The following GRIP1 variants were observed in gnomAD, a reference collection of about 807,000 sequenced individuals.
GRIP1 encodes the protein glutamate receptor interacting protein 1, also known as glutamate receptor-interacting protein 1.
GRIP1 carries 45 observed loss-of-function variants against 129.9 expected under a neutral mutation model. The ratio of observed to expected loss-of-function variants is 0.35; its 90% CI spans 0.27 to 0.44. GRIP1 has a LOEUF of 0.44. Ranked by LOEUF, GRIP1 falls within the 20% of genes least tolerant of loss-of-function variation. The probability of loss-of-function intolerance (pLI) is 1.00; values close to 1 mark genes in which losing one functional copy is unlikely to be tolerated. For synonymous variants in GRIP1, 530 were observed against 520.8 expected (o/e 1.02, Z -0.24); for missense variants, 1,196 against 1,396.8 (o/e 0.86, Z 2.29).
At chr12:66,746,365 G>A (rs936381264) in intron 1 of GRIP1, among the ~76,000 whole-genome samples, 2 of 152,100 alleles carry the variant, frequency 1.3e-5, no homozygotes, top group African/African-American at 4.8e-5. Context: ...CAGCAGCATT[G>A]GCATCTCCTG....
chr12:66,799,670 C>T (rs2038803077), intron 1 of GRIP1, among the ~76,000 whole-genome samples: 1 of 152,120 alleles, frequency 6.6e-6, no homozygotes, highest in Admixed American at 6.6e-5. Flanking sequence ...ACAAATCAGG[C>T]ATCTTTCCAA....
intron 1 of GRIP1, among the ~76,000 whole-genome samples, chr12:66,802,657 G>A (rs1029261184): frequency 6.6e-6 from 1 of 152,072 alleles, no homozygotes; most frequent in African/African-American, 2.4e-5. Context: ...GAGATGGTAT[G>A]AATCTGACTC....
intron 1 of GRIP1, among the ~76,000 whole-genome samples, chr12:66,968,293 C>T (rs2042025110): frequency 6.6e-6 from 1 of 152,104 alleles, no homozygotes; most frequent in South Asian, 2.1e-4. Context: ...TGTTAACATA[C>T]TGTATAATTC....
At chr12:67,006,637 G>T (rs2042631283) in intron 1 of GRIP1, among the ~76,000 whole-genome samples, 2 of 152,178 alleles carry the variant, frequency 1.3e-5, no homozygotes, top group Non-Finnish European at 2.9e-5. Flanking sequence ...GCCTTCATCT[G>T]AGGGTAATTT....
chr12:66,438,609 C>T (rs1469042966), intron 13 of GRIP1, among the ~76,000 whole-genome samples: 1 of 151,822 alleles, frequency 6.6e-6, no homozygotes, highest in Non-Finnish European at 1.5e-5. Context: ...GATTCTCCTG[C>T]CTCAGCCTCC....
chr12:67,052,934 C>A (rs556162938), intron 1 of GRIP1, among the ~76,000 whole-genome samples: 2 of 152,248 alleles, frequency 1.3e-5, no homozygotes, highest in South Asian at 2.1e-4. Flanking sequence ...GACTTAGAAT[C>A]CAATTCAGAT....
chr12:66,904,877 T>C (rs989201551), intron 1 of GRIP1, among the ~76,000 whole-genome samples: 7 of 148,470 alleles, frequency 4.7e-5, no homozygotes, highest in Non-Finnish European at 4.5e-5. Context: ...GGTGACAGAA[T>C]GAGACTCCGT....
At chr12:66,426,737 G>GT (rs1204457823) in intron 14 of GRIP1, among the ~76,000 whole-genome samples, 2 of 152,156 alleles carry the variant, frequency 1.3e-5, no homozygotes, top group Non-Finnish European at 2.9e-5. Flanking sequence ...GGTCTTAAGT[G>GT]TAAGTTGAGG....
At chr12:66,613,334 C>T (rs1050781807) in intron 1 of GRIP1, among the ~76,000 whole-genome samples, 12 of 152,148 alleles carry the variant, frequency 7.9e-5, no homozygotes, top group Non-Finnish European at 1.5e-4. Context: ...CCACTAACTG[C>T]ACAAATCTGG....
intron 1 of GRIP1, among the ~76,000 whole-genome samples, chr12:66,884,162 G>A (rs971575358): frequency 2.6e-5 from 4 of 152,214 alleles, no homozygotes; most frequent in African/African-American, 9.6e-5. Context: ...ATGGGGAAAT[G>A]CAGAGCAAAA....
At chr12:66,679,867 TGTGA>T (rs2034517042), upstream of GRIP1, among the ~76,000 whole-genome samples, 1 of 152,372 alleles carries the variant, frequency 6.6e-6, no homozygotes, top group South Asian at 2.1e-4. Context: ...AGCAGATATT[TGTGA>T]GTATCTGCTC....
At chr12:66,746,404 G>C (rs929363336) in intron 1 of GRIP1, among the ~76,000 whole-genome samples, 1 of 152,164 alleles carries the variant, frequency 6.6e-6, no homozygotes, top group African/African-American at 2.4e-5. Context: ...AGAATCTTAG[G>C]TGGCACTTCA....
At chr12:66,696,673 C>T (rs550934498) in intron 1 of GRIP1, among the ~76,000 whole-genome samples, 5 of 151,754 alleles carry the variant, frequency 3.3e-5, no homozygotes, top group South Asian at 2.1e-4. Flanking sequence ...GGCATGGTGG[C>T]GGGCACCTGT....
chr12:66,949,134 A>G (rs2041715824), intron 1 of GRIP1, among the ~76,000 whole-genome samples: 1 of 152,206 alleles, frequency 6.6e-6, no homozygotes, highest in South Asian at 2.1e-4. Flanking sequence ...AATTGCTTAA[A>G]TTTTGTTGAG....
intron 1 of GRIP1, among the ~76,000 whole-genome samples, chr12:67,064,673 T>C (rs534024510): frequency 6.6e-6 from 1 of 152,320 alleles, no homozygotes; most frequent in East Asian, 1.9e-4. Context: ...CTCCTCGATA[T>C]GGGTGATTTG....
intron 1 of GRIP1, among the ~76,000 whole-genome samples, chr12:66,847,084 C>G (rs984215727): frequency 2.0e-5 from 3 of 152,130 alleles, no homozygotes; most frequent in Non-Finnish European, 4.4e-5. Context: ...AAGGGGAAAC[C>G]ACTGACCTCT....
chr12:66,813,804 T>C (rs1827760058), intron 1 of GRIP1, among the ~76,000 whole-genome samples: 2 of 152,096 alleles, frequency 1.3e-5, no homozygotes, highest in Non-Finnish European at 2.9e-5. Context: ...CAGATACAAA[T>C]TGTGGGCTTC....
intron 1 of GRIP1, among the ~76,000 whole-genome samples, chr12:66,949,662 C>G (rs1449899859): frequency 6.6e-6 from 1 of 151,636 alleles, no homozygotes; most frequent in Non-Finnish European, 1.5e-5. Flanking sequence ...GGTAATCACC[C>G]TTTTCTTTCT....
At chr12:66,590,911 T>A (rs1045924787) in intron 2 of GRIP1, among the ~76,000 whole-genome samples, 9 of 152,172 alleles carry the variant, frequency 5.9e-5, no homozygotes, top group African/African-American at 2.2e-4. Context: ...TTGTTGCACT[T>A]TTTTTTGTAG....
Sources: allele counts gnomAD v4.1 joint callset (sites outside exome capture counted in the v4.1 genomes callset), GRCh38; gene constraint gnomAD v4.1.1; transcripts MANE v1.5; gene names NCBI Gene and HGNC (gene_info 2026-07-23, HGNC 2026-07-21).